BBOX1: variants seen among roughly 807,000 people sequenced by gnomAD.
BBOX1 encodes the protein gamma-butyrobetaine hydroxylase 1.
Under a neutral mutation model 41.6 loss-of-function variants are expected in BBOX1, and 35 were observed. That is an observed-to-expected ratio of 0.84 (90% CI 0.64 to 1.11). BBOX1 has a LOEUF of 1.11. Ranked by LOEUF, BBOX1 falls within the 50% of genes most tolerant of loss-of-function variation. The pLI, the probability that BBOX1 is intolerant of heterozygous loss-of-function variation, is 0.00. For missense variants in BBOX1, 458 were observed against 460.6 expected, an observed-to-expected ratio of 0.99 and a Z score of 0.05; for synonymous variants, 163 against 154.7, an observed-to-expected ratio of 1.05 and a Z score of -0.40.
At chr11:27,092,935 T>A (rs935253527) in intron 4 of BBOX1, among the ~76,000 whole-genome samples, 1 of 151,930 alleles carries the variant, frequency 6.6e-6, no homozygotes, top group Non-Finnish European at 1.5e-5. Flanking sequence ...ATGGGGCATA[T>A]TGAATACCTG....
chr11:27,115,856 A>T (rs1272032196), intron 6 of BBOX1, among the ~76,000 whole-genome samples: 1 of 151,956 alleles, frequency 6.6e-6, no homozygotes, highest in Non-Finnish European at 1.5e-5. Context: ...TTAAGGTAGG[A>T]GTAAATCTTA....
chr11:27,088,141 A>T (rs1369456896), intron 4 of BBOX1, among the ~76,000 whole-genome samples: 1 of 152,040 alleles, frequency 6.6e-6, no homozygotes, highest in East Asian at 1.9e-4. Flanking sequence ...ACAAAAATTC[A>T]TCGAAACATG....
chr11:27,113,419 A>C (rs1267161549), intron 5 of BBOX1, among the ~76,000 whole-genome samples: 2 of 152,010 alleles, frequency 1.3e-5, no homozygotes, highest in Non-Finnish European at 2.9e-5. Flanking sequence ...TCCATCAGTG[A>C]TATAATGAAT....
chr11:27,043,294 A>C (rs1409294955), intron 2 of BBOX1, among the ~76,000 whole-genome samples: 4 of 151,708 alleles, frequency 2.6e-5, no homozygotes, highest in African/African-American at 9.7e-5. Context: ...CGATTTCCTG[A>C]CCTCGTGATC....
At chr11:27,051,772 G>C (rs925366228) in intron 2 of BBOX1, among the ~76,000 whole-genome samples, 4 of 151,416 alleles carry the variant, frequency 2.6e-5, no homozygotes, top group Non-Finnish European at 4.4e-5. Flanking sequence ...TTTTTTTCTT[G>C]TCTCTATTTC....
At chr11:27,073,971 G>C (rs1857552433) in intron 4 of BBOX1, among the ~76,000 whole-genome samples, 1 of 152,002 alleles carries the variant, frequency 6.6e-6, no homozygotes, top group Admixed American at 6.5e-5. Flanking sequence ...TAAATGACGA[G>C]TTAATGGGTG....
Position 27,127,637 on chromosome 11 carries a change from AC to A in BBOX1, c.*186del. ...ACAATGTCAACTTTTTAGATGTTTCACCACTCTTTTGCAAATAAAGCATCCT... is the reference window on the plus strand; with the variant it reads ...ACAATGTCAACTTTTTAGATGTTTCACACTCTTTTGCAAATAAAGCATCCT... On this transcript the variant is annotated 3_prime_UTR_variant, in exon 9 of 9. Transcript: ENST00000263182. 2 of 672,760 alleles carry A rather than the reference AC, an allele frequency of 3.0e-6. No individual in the cohort carries two copies. The highest frequency in any genetic ancestry group is 4.6e-6 in the Non-Finnish European group (2 of 430,616). The allele number at this position is 672,760 out of a possible 1,614,324, so 41.7% of individuals were successfully genotyped here. A position where few individuals can be genotyped will look rare whatever the true frequency, so the allele number is the denominator to read the frequency against.
At chr11:27,091,326 T>C (rs999409105) in intron 4 of BBOX1, among the ~76,000 whole-genome samples, 2 of 151,968 alleles carry the variant, frequency 1.3e-5, no homozygotes, top group Non-Finnish European at 2.9e-5. Flanking sequence ...CAAAACCTAC[T>C]GCATATCACC....
intron 4 of BBOX1, chr11:27,057,539 G>A (rs780842597): frequency 4.9e-5 from 22 of 450,854 alleles, no homozygotes; most frequent in Non-Finnish European, 8.5e-5. Flanking sequence ...AACAAAATAA[G>A]TCCAGCAAAC....
intron 5 of BBOX1, among the ~76,000 whole-genome samples, chr11:27,112,801 C>A (rs891989653): frequency 6.6e-6 from 1 of 151,800 alleles, no homozygotes; most frequent in African/African-American, 2.4e-5. Flanking sequence ...CAAAAATTGA[C>A]AAATAGGACC....
rs1590233029 is a variant in BBOX1 at position 27,125,633 on chromosome 11, T to A, written c.837-21T>A. 25 of 1,476,360 alleles carry A rather than the reference T, an allele frequency of 1.7e-5. 1 individual carries two copies. In the East Asian group the frequency reaches 6.2e-4, roughly 37 times the overall value. 91.5% of individuals were successfully genotyped at this position (1,476,360 alleles called of 1,614,324 possible). A position where few individuals can be genotyped will look rare whatever the true frequency, so the allele number is the denominator to read the frequency against. On this transcript the variant is annotated intron_variant, in intron 7 of 8. Transcript: ENST00000263182. The stretch of plus-strand genomic sequence containing the variant: ...AGATATTTCATGAATTATATATTAA[T>A]TTTTTCTCTTAATAAAACAGGTTAG...
At chr11:27,078,483 T>C (rs1857712657) in intron 4 of BBOX1, among the ~76,000 whole-genome samples, 1 of 151,972 alleles carries the variant, frequency 6.6e-6, no homozygotes. Context: ...CCCCCCACCA[T>C]GGAATACTAT....
intron 5 of BBOX1, among the ~76,000 whole-genome samples, chr11:27,106,719 G>A (rs1302596173): frequency 2.7e-5 from 4 of 150,244 alleles, no homozygotes; most frequent in South Asian, 4.3e-4. Flanking sequence ...ATTGAACTCA[G>A]CTCTGCACCA....
intron 4 of BBOX1, among the ~76,000 whole-genome samples, chr11:27,090,949 C>T (rs543543776): frequency 1.3e-5 from 2 of 152,036 alleles, no homozygotes; most frequent in East Asian, 1.9e-4. Flanking sequence ...TGCCCAACCC[C>T]GCAGGCAGTC....
At chr11:27,056,004 A>G (rs967869001) in intron 3 of BBOX1, among the ~76,000 whole-genome samples, 2 of 152,140 alleles carry the variant, frequency 1.3e-5, no homozygotes, top group Non-Finnish European at 2.9e-5. Context: ...CAAATTTACT[A>G]GGATTCTTAT....
chr11:27,116,411 G>A (rs746990784), intron 6 of BBOX1, among the ~76,000 whole-genome samples: 24 of 151,400 alleles, frequency 1.6e-4, no homozygotes, highest in Admixed American at 1.4e-3. Context: ...ACCATGGCAC[G>A]TGTATATATA....
intron 3 of BBOX1, 138 bp from the exon 4 acceptor site, chr11:27,057,063 T>TAAAAAAAAAAAAAAAACAAAAAAAA (rs1459422645): frequency 6.8e-6 from 1 of 146,550 alleles, no homozygotes. Flanking sequence ...AGACTCCGAC[T>TAAAAAAAAAAAAAAAACAAAAAAAA]TAAAAAAAAA....
intron 4 of BBOX1, among the ~76,000 whole-genome samples, chr11:27,074,916 T>A (rs1857585514): frequency 6.6e-6 from 1 of 152,200 alleles, no homozygotes; most frequent in African/African-American, 2.4e-5. Context: ...CTGTAGCTGC[T>A]TTCACAGGCT....
chr11:27,104,302 G>A (rs1310842859), intron 5 of BBOX1, among the ~76,000 whole-genome samples: 1 of 152,102 alleles, frequency 6.6e-6, no homozygotes, highest in African/African-American at 2.4e-5. Flanking sequence ...CATGTACCCA[G>A]TTGCTTCTCT....
Sources: gnomAD v4.1 joint callset for allele counts (sites outside exome capture counted in the v4.1 genomes callset) on GRCh38, gnomAD v4.1.1 for gene constraint, MANE v1.5 for transcripts, NCBI Gene and HGNC (gene_info 2026-07-23, HGNC 2026-07-21) for gene names.